Variants in C1R observed in about 807,000 individuals in gnomAD.
C1R encodes complement C1r subcomponent.
Under a neutral mutation model 27.6 loss-of-function variants are expected in C1R, and 15 were observed. That is an observed-to-expected ratio of 0.54 (90% CI 0.36 to 0.84). C1R has a LOEUF of 0.84. C1R is among the 40% of genes least tolerant of loss of function. The pLI, the probability that C1R is intolerant of heterozygous loss-of-function variation, is 0.01. For synonymous variants in C1R, 253 were observed against 228.8 expected (o/e 1.11, Z -0.95); for missense variants, 544 against 577.9 (o/e 0.94, Z 0.60).
intron 5 of C1R, 138 bp from the exon 6 acceptor site, chr12:7,089,124 G>A: frequency 4.8e-6 from 3 of 629,918 alleles, no homozygotes; most frequent in South Asian, 1.9e-5. Context: ...AAGGTGAAAA[G>A]GGATCCCCAT....
intron 10 of C1R, among the ~76,000 whole-genome samples, chr12:7,081,578 C>T (rs746776844): frequency 3.4e-4 from 52 of 152,140 alleles, no homozygotes; most frequent in Non-Finnish European, 5.9e-4. Context: ...CTGCAACCTC[C>T]GCCTCCTGGG....
At chr12:7,086,664 C>T (rs911889076) in intron 7 of C1R, 3 of 378,286 alleles carry the variant, frequency 7.9e-6, no homozygotes, top group Non-Finnish European at 1.4e-5. Context: ...TTGAGCCACA[C>T]CACAGCAAGT....
In C1R at chr12:7,091,335, C is replaced by A; in HGVS notation, c.231+117G>T. Reference sequence around the variant, plus strand: ...GGCATCCCCGGGCTCTCAGAGAGGCCGTTGGCCATCAGCTCTTGTGGGGCT... The same window carrying A: ...GGCATCCCCGGGCTCTCAGAGAGGCAGTTGGCCATCAGCTCTTGTGGGGCT... On this transcript the variant is annotated intron_variant, in intron 2 of 10. Transcript: ENST00000647956. This position sits in a 1 kb window ranked among gnomAD's most constrained non-coding sequence, Gnocchi z 5.1. The A allele has an allele frequency of 1.5e-6, 1 of 664,604 alleles. No homozygotes were observed. Among genetic ancestry groups the A allele is most frequent in the Non-Finnish European group, 2.7e-6 (1 of 370,272 alleles). The allele number at this position is 664,604 out of a possible 1,614,324, so 41.2% of individuals were successfully genotyped here.
rs1206524119 is a variant in C1R, at chr12:7,090,426, C to T, written c.232-178G>A. On this transcript the variant is annotated intron_variant, in intron 2 of 10. Transcript: ENST00000647956. ...CTTCCCCATGTGACTTTCAGCTGTT[C>T]CCTGAGTCTCCCACTGACTCACTCT... 1.8e-5 allele frequency: 11 copies of T among 599,144 alleles called. No homozygotes were observed. The South Asian group carries it at 1.8e-4, about 10-fold the overall frequency. 37.1% of individuals were successfully genotyped at this position (599,144 alleles called of 1,614,324 possible).
intron 10 of C1R, among the ~76,000 whole-genome samples, chr12:7,081,735 C>A (rs1158888682): frequency 6.6e-6 from 1 of 152,106 alleles, no homozygotes; most frequent in Admixed American, 6.5e-5. Context: ...TCAGGTGATC[C>A]GCTTGCCTTG....
chr12:7,080,882 T>A lies in C1R; in HGVS notation c.1768A>T (p.Met590Leu), dbSNP rs1938045907. 6.2e-7 allele frequency: 1 copy of A among 1,613,890 alleles called. No homozygotes were observed. Among genetic ancestry groups the A allele is most frequent in the Non-Finnish European group, 8.5e-7 (1 of 1,179,842 alleles). ...DNDTFYDLGL[M>L]GYVSGFGVME... ...ACCCCGAAGCCACTGACATAGCCCA[T>A]CAAGCCCAGGTCGTAGAAGGTATCG... Residue 590 changes from methionine to leucine, a missense_variant, in exon 11 of 11, where the codon ATG becomes TTG. Physicochemically the swap from Met to Leu is conservative, Grantham distance 15 (BLOSUM62 2). Transcript: ENST00000647956. The surrounding 1 kb of genome is among the most constrained non-coding windows in gnomAD (Gnocchi z 4.9).
At chr12:7,090,871 G>A (rs942903482) in intron 2 of C1R, among the ~76,000 whole-genome samples, 1 of 152,190 alleles carries the variant, frequency 6.6e-6, no homozygotes, top group Admixed American at 6.5e-5. Flanking sequence ...CCATTGTCAT[G>A]TAATTCACGC....
At chr12:7,087,045 A>T (rs1938167938) in intron 7 of C1R, 1 of 152,296 alleles carries the variant, frequency 6.6e-6, no homozygotes, top group African/African-American at 2.4e-5. Flanking sequence ...ATGAAAAGTT[A>T]CTGGACAAAT....
Position 7,091,843 on chromosome 12 carries a change from G to T in C1R, c.3-163C>A. The stretch of plus-strand genomic sequence containing the variant: ...TTCTCAGCAGGGGTGCGTGGGTGGG[G>T]AGGATGGCCTGTGCAGCTGCTGCAT... On this transcript the variant is annotated intron_variant, in intron 1 of 10. Coordinates refer to ENST00000647956, the MANE Select transcript of C1R (RefSeq NM_001733.7). This position sits in a 1 kb window ranked among gnomAD's most constrained non-coding sequence, Gnocchi z 5.1. 2.9e-6 allele frequency: 2 copies of T among 701,172 alleles called. No individual in the cohort carries two copies. Among genetic ancestry groups the T allele is most frequent in the Non-Finnish European group, 5.2e-6 (2 of 383,884 alleles). The allele number at this position is 701,172 out of a possible 1,614,324, so 43.4% of individuals were successfully genotyped here. A position where few individuals can be genotyped will look rare whatever the true frequency, so the allele number is the denominator to read the frequency against.
At chr12:7,086,731 C>T in intron 7 of C1R, 1 of 311,366 alleles carries the variant, frequency 3.2e-6, no homozygotes, top group East Asian at 5.0e-5. Context: ...TGGCCTGTTC[C>T]TACTGAGGTC....
Position 7,091,819 on chromosome 12 carries a change from T to C in C1R, c.3-139A>G. On this transcript the variant is annotated intron_variant, in intron 1 of 10. Transcript: ENST00000647956. The surrounding 1 kb of genome is among the most constrained non-coding windows in gnomAD (Gnocchi z 5.1). ...CCCACCCTGAACCTCACAGACATGT[T>C]CTCAGCAGGGGTGCGTGGGTGGGGA... 1.4e-6 allele frequency: 1 copy of C among 706,852 alleles called. No homozygotes were observed. Among genetic ancestry groups the C allele is most frequent in the Non-Finnish European group, 2.6e-6 (1 of 384,672 alleles). The allele number at this position is 706,852 out of a possible 1,614,324, so 43.8% of individuals were successfully genotyped here.
chr12:7,081,968 C>T, intron 10 of C1R, 64 bp downstream of exon 10: 3 of 1,385,742 alleles, frequency 2.2e-6, no homozygotes, highest in East Asian at 2.5e-5. Context: ...CTGGGCCACA[C>T]TGCTTTTGAG....
rs147288661 is a variant in C1R, at chr12:7,089,732, G to A, written c.426C>T (p.Asp142=). ...KGFLAYYQAV[D]LDECASRSKS... is the part of the protein sequence containing the mutation. ...TGCTCCGGGAAGCACATTCATCAAG[G>A]TCTGGAAGGCATTCAGGAAGGAGGG... The change falls in exon 4 of 11, where the codon GAC becomes GAT. Residue 142 remains aspartate (D), a splice_region_variant and synonymous_variant. Transcript: ENST00000647956. 193 of 780,678 alleles carry A rather than the reference G, an allele frequency of 2.5e-4. 1 individual carries two copies. The African/African-American group carries it at 2.5e-3, about 10-fold the overall frequency. 48.4% of individuals were successfully genotyped at this position (780,678 alleles called of 1,614,324 possible).
At chr12:7,081,390 C>A in intron 10 of C1R, 89 bp from the exon 11 acceptor site, 1 of 1,208,036 alleles carries the variant, frequency 8.3e-7, no homozygotes. Context: ...TGTTTGCCCT[C>A]TCTTTTTGGC....
intron 9 of C1R, among the ~76,000 whole-genome samples, chr12:7,083,333 T>G (rs993935961): frequency 0.054 from 101 of 1,858 alleles, 1 homozygote; most frequent in African/African-American, 0.2. Flanking sequence ...GGTAATGGTG[T>G]TGGTGGTGAT....
intron 9 of C1R, 28 bp from the exon 10 acceptor site, chr12:7,082,134 T>G (rs1213662941): frequency 7.5e-7 from 1 of 1,336,184 alleles, no homozygotes; most frequent in Non-Finnish European, 1.0e-6. Context: ...AAGAATCAAG[T>G]TGGGGGGTGA....
chr12:7,089,173 G>C, intron 5 of C1R, 120 bp downstream of exon 5: 1 of 667,116 alleles, frequency 1.5e-6, no homozygotes, highest in Non-Finnish European at 2.7e-6. Context: ...CCCAGCCCAT[G>C]GGTGATGTTG....
rs994317175 is a variant in C1R, at chr12:7,090,245, A to G, written c.235T>C (p.Ser79Pro). 5.5e-6 allele frequency: 4 copies of G among 729,508 alleles called. No individual in the cohort carries two copies. The African/African-American group carries it at 6.9e-5, about 13-fold the overall frequency. The allele number at this position is 729,508 out of a possible 1,614,324, so 45.2% of individuals were successfully genotyped here. The part of the protein sequence containing the change: ...EGCFYDYVKI[S>P]ADKKSLGRFC... ...CTCCCCAGGCTTTTCTTATCAGCAG[A>G]GATCTGGTGGAAGAAGGACAGGGGG... is the stretch of plus-strand genomic sequence containing the variant. The change falls in exon 3 of 11, where the codon TCT becomes CCT. Residue 79 changes from serine (S) to proline (P), a missense_variant. By Grantham distance (74) the Ser-to-Pro change is moderately conservative. Around this residue, in one of 2 missense-constraint regions of C1R, gnomAD observed 291 missense variants for 209.0 expected, o/e 1.39. Coordinates refer to ENST00000647956, the MANE Select transcript of C1R (RefSeq NM_001733.7).
rs1327072361 is a variant in C1R at position 7,089,552 on chromosome 12, AACCCCTTCCCCTCTGCTAC to A, written c.571+16_571+34del. The stretch of plus-strand genomic sequence containing the variant: ...CAGCTGGCCCAGCAAGCCCTGGCTC[AACCCCTTCCCCTCTGCTAC>A]ACCACTCTGGCTCACCCTGGCAGGA... On this transcript the variant is annotated intron_variant, in intron 4 of 10. Transcript: ENST00000647956. 2.6e-6 allele frequency: 2 copies of A among 780,744 alleles called. No homozygotes were observed. Among genetic ancestry groups the A allele is most frequent in the Admixed American group, 3.4e-5 (2 of 59,044 alleles). 48.4% of individuals were successfully genotyped at this position (780,744 alleles called of 1,614,324 possible). A position where few individuals can be genotyped will look rare whatever the true frequency, so the allele number is the denominator to read the frequency against.
Sources: gnomAD v4.1 joint callset for allele counts (sites outside exome capture counted in the v4.1 genomes callset) on GRCh38, gnomAD v4.1.1 for gene constraint, gnomAD v4.1.1 regional missense constraint, Gnocchi (gnomAD v3.1) non-coding constraint, MANE v1.5 for transcripts, NCBI Gene and HGNC (gene_info 2026-07-23, HGNC 2026-07-21) for gene names.